Variants in LTBP1 observed in about 807,000 individuals in gnomAD.
LTBP1 encodes latent transforming growth factor beta binding protein 1.
A neutral mutation model predicts 207.6 loss-of-function variants in LTBP1; 129 were observed. That is an observed-to-expected ratio of 0.62 (90% CI 0.54 to 0.72). The LOEUF is 0.72. Among genes scored for constraint, LTBP1 ranks in the 30% least tolerant of loss-of-function variants. LTBP1 has a pLI of 0.00. For synonymous variants in LTBP1, 963 were observed against 833.7 expected, an observed-to-expected ratio of 1.16 and a Z score of -2.67; for missense variants, 2,281 against 2,217.2, an observed-to-expected ratio of 1.03 and a Z score of -0.58.
intron 2 of LTBP1, among the ~76,000 whole-genome samples, chr2:32,990,511 C>T (rs1206475968): frequency 6.6e-6 from 1 of 152,138 alleles, no homozygotes; most frequent in East Asian, 1.9e-4. Flanking sequence ...GGGTTGGAGT[C>T]ATATTATTCT....
intron 4 of LTBP1, among the ~76,000 whole-genome samples, chr2:33,130,244 T>C (rs1384928126): frequency 1.3e-5 from 2 of 152,192 alleles, no homozygotes; most frequent in African/African-American, 4.8e-5. Flanking sequence ...TGAATCAGCC[T>C]GTAGGTCTCT....
intron 3 of LTBP1, among the ~76,000 whole-genome samples, chr2:33,045,089 T>G (rs2149446397): frequency 6.6e-6 from 1 of 152,338 alleles, no homozygotes; most frequent in African/African-American, 2.4e-5. Context: ...TGATAGTTTC[T>G]TTTGCTGTGC....
chr2:33,095,951 C>G (rs1323172356), intron 3 of LTBP1, among the ~76,000 whole-genome samples: 2 of 151,782 alleles, frequency 1.3e-5, no homozygotes, highest in Non-Finnish European at 2.9e-5. Context: ...GCAAATGTAA[C>G]AAGAAAAATG....
At chr2:33,383,770 C>T (rs1175857079) in intron 31 of LTBP1, among the ~76,000 whole-genome samples, 1 of 152,158 alleles carries the variant, frequency 6.6e-6, no homozygotes, top group Non-Finnish European at 1.5e-5. Flanking sequence ...CTCCTGGGCT[C>T]AAGTGATCTG....
intron 26 of LTBP1, among the ~76,000 whole-genome samples, chr2:33,351,626 A>C (rs138121808): frequency 6.6e-6 from 1 of 152,300 alleles, no homozygotes; most frequent in East Asian, 1.9e-4. Context: ...CACTGAAATC[A>C]GGCCCTCTGA....
intron 24 of LTBP1, among the ~76,000 whole-genome samples, chr2:33,329,122 C>G (rs2094464522): frequency 6.6e-6 from 1 of 152,186 alleles, no homozygotes. Context: ...CCAGTTTACA[C>G]TGCTACCAGC....
At chr2:33,280,639 G>A (rs1175553547) in intron 19 of LTBP1, among the ~76,000 whole-genome samples, 2 of 152,084 alleles carry the variant, frequency 1.3e-5, no homozygotes, top group Non-Finnish European at 2.9e-5. Flanking sequence ...CCCCTTAATG[G>A]TTTTCATTTG....
intron 24 of LTBP1, among the ~76,000 whole-genome samples, chr2:33,340,861 A>G (rs1293405630): frequency 1.3e-5 from 2 of 152,202 alleles, no homozygotes; most frequent in Non-Finnish European, 2.9e-5. Context: ...TATTATTTCC[A>G]TTTACAGATA....
At chr2:33,375,389 G>A (rs1005672557) in intron 31 of LTBP1, among the ~76,000 whole-genome samples, 1 of 152,202 alleles carries the variant, frequency 6.6e-6, no homozygotes. Flanking sequence ...AGGGTGTTCA[G>A]GGAATTGCAC....
chr2:32,992,194 A>G (rs1211949473), intron 2 of LTBP1, among the ~76,000 whole-genome samples: 5 of 152,204 alleles, frequency 3.3e-5, no homozygotes, highest in Non-Finnish European at 7.3e-5. Context: ...GGTTCCTGCC[A>G]TCCAAATGTA....
At chr2:33,223,493 G>C (rs1419354810) in intron 9 of LTBP1, among the ~76,000 whole-genome samples, 1 of 152,116 alleles carries the variant, frequency 6.6e-6, no homozygotes, top group African/African-American at 2.4e-5. Context: ...GGGAATAGTG[G>C]ATTAATCTAC....
chr2:33,279,913 C>G, intron 18 of LTBP1, 126 bp from the exon 19 acceptor site: 1 of 928,698 alleles, frequency 1.1e-6, no homozygotes, highest in Non-Finnish European at 1.7e-6. Context: ...TCTCACTTAC[C>G]CAATTATTGT....
intron 9 of LTBP1, among the ~76,000 whole-genome samples, chr2:33,238,827 A>G (rs2092176192): frequency 6.6e-6 from 1 of 152,224 alleles, no homozygotes; most frequent in African/African-American, 2.4e-5. Context: ...AGAAATGTAA[A>G]GAATCCTGAT....
chr2:32,981,236 T>A (rs1392119885), intron 2 of LTBP1, among the ~76,000 whole-genome samples: 1 of 152,214 alleles, frequency 6.6e-6, no homozygotes, highest in Non-Finnish European at 1.5e-5. Context: ...GCGGCCATTT[T>A]CTAGATCTTT....
chr2:33,049,243 A>G (rs1004357450), intron 3 of LTBP1, among the ~76,000 whole-genome samples: 2 of 152,256 alleles, frequency 1.3e-5, no homozygotes, highest in Non-Finnish European at 2.9e-5. Flanking sequence ...TTAAAACCCA[A>G]TAAAAATTTG....
intron 3 of LTBP1, among the ~76,000 whole-genome samples, chr2:33,022,265 C>CTTTTTTTTTTT (rs3047211): frequency 3.2e-5 from 4 of 125,234 alleles, no homozygotes; most frequent in Non-Finnish European, 4.9e-5. Context: ...CCTCAATCCT[C>CTTTTTTTTTTT]TTTTTTTTTT....
chr2:33,146,813 A>G (rs917875604), intron 5 of LTBP1, among the ~76,000 whole-genome samples: 2 of 152,210 alleles, frequency 1.3e-5, no homozygotes, highest in Admixed American at 1.3e-4. Flanking sequence ...ACAGCAAGGG[A>G]AAGTTCGCCC....
intron 7 of LTBP1, among the ~76,000 whole-genome samples, chr2:33,191,967 C>A (rs1029364334): frequency 2.6e-5 from 4 of 151,986 alleles, no homozygotes; most frequent in African/African-American, 9.7e-5. Context: ...CTGTGATCAA[C>A]GTATTTAAAT....
intron 16 of LTBP1, among the ~76,000 whole-genome samples, chr2:33,274,236 G>A (rs2093378694): frequency 6.6e-6 from 1 of 151,006 alleles, no homozygotes; most frequent in Non-Finnish European, 1.5e-5. Context: ...TAGAAATTTA[G>A]GGATCTCATA....
Sources: allele counts gnomAD v4.1 joint callset (sites outside exome capture counted in the v4.1 genomes callset), GRCh38; gene constraint gnomAD v4.1.1; transcripts MANE v1.5; gene names NCBI Gene and HGNC (gene_info 2026-07-23, HGNC 2026-07-21).